CSMD1: variants seen among roughly 807,000 people sequenced by gnomAD.
The protein encoded by CSMD1 is CUB and Sushi multiple domains 1, also known as CUB and sushi domain-containing protein 1.
A neutral mutation model predicts 417.5 loss-of-function variants in CSMD1; 213 were observed. That is an observed-to-expected ratio of 0.51 (90% CI 0.46 to 0.57). CSMD1 has a LOEUF of 0.57. Among genes scored for constraint, CSMD1 ranks in the 20% least tolerant of loss-of-function variants. CSMD1 has a pLI of 0.00. For missense variants in CSMD1, 6,923 were observed against 4,529.7 expected, an observed-to-expected ratio of 1.53 and a Z score of -15.17; for synonymous variants, 2,862 against 1,736.8, an observed-to-expected ratio of 1.65 and a Z score of -16.11.
At chr8:3,116,593 A>G (rs1360771373) in intron 42 of CSMD1, among the ~76,000 whole-genome samples, 2 of 152,224 alleles carry the variant, frequency 1.3e-5, no homozygotes, top group East Asian at 1.9e-4. Flanking sequence ...ATACCATGTT[A>G]GAATTAGGAA....
chr8:4,370,217 G>GTTTCC (rs1563102965), intron 3 of CSMD1, among the ~76,000 whole-genome samples: 4 of 152,168 alleles, frequency 2.6e-5, no homozygotes, highest in African/African-American at 9.7e-5. Flanking sequence ...AGTTTGGTGA[G>GTTTCC]ATACGAAATT....
intron 10 of CSMD1, among the ~76,000 whole-genome samples, chr8:3,508,902 T>C (rs550269034): frequency 6.6e-6 from 1 of 152,318 alleles, no homozygotes; most frequent in South Asian, 2.1e-4. Flanking sequence ...GAATGATCCA[T>C]GGACCCTTGC....
intron 2 of CSMD1, among the ~76,000 whole-genome samples, chr8:4,461,645 G>T (rs1409469911): frequency 6.6e-6 from 1 of 151,728 alleles, no homozygotes; most frequent in Admixed American, 6.6e-5. Context: ...GTACCTCCTG[G>T]GCTCAAGCAA....
At chr8:4,357,209 G>C (rs553498244) in intron 3 of CSMD1, among the ~76,000 whole-genome samples, 20 of 152,200 alleles carry the variant, frequency 1.3e-4, no homozygotes, top group African/African-American at 4.6e-4. Flanking sequence ...AGTAGCTAAG[G>C]GTTTTCAGTT....
At chr8:3,455,483 G>C (rs563751914) in intron 12 of CSMD1, among the ~76,000 whole-genome samples, 1 of 152,148 alleles carries the variant, frequency 6.6e-6, no homozygotes, top group African/African-American at 2.4e-5. Context: ...TGTACAGATG[G>C]GGTTTTGGTG....
intron 3 of CSMD1, among the ~76,000 whole-genome samples, chr8:4,329,156 G>A (rs998081291): frequency 3.3e-5 from 5 of 152,046 alleles, no homozygotes; most frequent in Non-Finnish European, 7.4e-5. Context: ...TTGAATGCAC[G>A]GTTCTCATCA....
At chr8:4,730,860 C>T (rs139135757) in intron 1 of CSMD1, among the ~76,000 whole-genome samples, 5 of 152,190 alleles carry the variant, frequency 3.3e-5, no homozygotes, top group South Asian at 4.1e-4. Context: ...AGAGCCGTAA[C>T]GAGAAATGTC....
intron 26 of CSMD1, among the ~76,000 whole-genome samples, chr8:3,275,194 G>T (rs1334859688): frequency 4.6e-5 from 7 of 152,060 alleles, no homozygotes; most frequent in Non-Finnish European, 8.8e-5. Context: ...ATGAAGCTTA[G>T]TTTGGCTGGA....
intron 8 of CSMD1, among the ~76,000 whole-genome samples, chr8:3,610,395 G>C (rs1022061087): frequency 7.2e-5 from 11 of 152,072 alleles, no homozygotes; most frequent in African/African-American, 2.7e-4. Flanking sequence ...AATTAATTGA[G>C]TCAGTGGCTC....
intron 3 of CSMD1, among the ~76,000 whole-genome samples, chr8:4,066,883 G>A (rs994277375): frequency 5.3e-5 from 8 of 152,166 alleles, no homozygotes; most frequent in Non-Finnish European, 8.8e-5. Flanking sequence ...CAGCCTCACA[G>A]AACAAACGTA....
intron 7 of CSMD1, among the ~76,000 whole-genome samples, chr8:3,696,777 C>T (rs551377331): frequency 1.3e-5 from 2 of 152,292 alleles, no homozygotes; most frequent in East Asian, 3.9e-4. Context: ...ATAAGGTCAA[C>T]AGGAGTTTCT....
At chr8:4,792,914 G>C (rs1013753608) in intron 1 of CSMD1, among the ~76,000 whole-genome samples, 1 of 151,690 alleles carries the variant, frequency 6.6e-6, no homozygotes, top group Non-Finnish European at 1.5e-5. Context: ...TTCATATAGA[G>C]TTCAGTATGA....
At chr8:3,164,228 T>C (rs1304625196) in intron 37 of CSMD1, among the ~76,000 whole-genome samples, 1 of 152,198 alleles carries the variant, frequency 6.6e-6, no homozygotes, top group African/African-American at 2.4e-5. Flanking sequence ...TTGAGTAATG[T>C]CAGGCCACAG....
intron 1 of CSMD1, among the ~76,000 whole-genome samples, chr8:4,860,037 T>G (rs2116869374): frequency 6.6e-6 from 1 of 151,966 alleles, no homozygotes; most frequent in East Asian, 1.9e-4. Context: ...TAGACTGGAT[T>G]AAGAAAATGT....
At chr8:3,953,258 GT>G (rs1441989196) in intron 5 of CSMD1, among the ~76,000 whole-genome samples, 1 of 152,046 alleles carries the variant, frequency 6.6e-6, no homozygotes, top group Non-Finnish European at 1.5e-5. Flanking sequence ...TTAAGGAGAA[GT>G]TTTTACCCTG....
At chr8:3,986,942 A>G (rs548067826) in intron 5 of CSMD1, among the ~76,000 whole-genome samples, 1 of 152,110 alleles carries the variant, frequency 6.6e-6, no homozygotes, top group Non-Finnish European at 1.5e-5. Flanking sequence ...TTTAGTATAC[A>G]GGGCGTTTCA....
chr8:4,680,931 C>A (rs1806000131), intron 1 of CSMD1, among the ~76,000 whole-genome samples: 1 of 142,698 alleles, frequency 7.0e-6, no homozygotes, highest in African/African-American at 2.6e-5. Context: ...ACACACAAAC[C>A]CCTAATCTAT....
intron 2 of CSMD1, among the ~76,000 whole-genome samples, chr8:4,565,668 G>A (rs1798562144): frequency 1.3e-5 from 2 of 150,834 alleles, no homozygotes; most frequent in Middle Eastern, 6.8e-3. Context: ...CAAGGAGGCA[G>A]AGGTTGCAGT....
At chr8:3,967,662 T>C (rs1342200592) in intron 5 of CSMD1, among the ~76,000 whole-genome samples, 2 of 152,206 alleles carry the variant, frequency 1.3e-5, no homozygotes, top group Admixed American at 6.5e-5. Context: ...CCTACAATTG[T>C]CCTTGTCAAT....
Sources: allele counts gnomAD v4.1 joint callset (sites outside exome capture counted in the v4.1 genomes callset), GRCh38; gene constraint gnomAD v4.1.1; transcripts MANE v1.5; gene names NCBI Gene and HGNC (gene_info 2026-07-23, HGNC 2026-07-21).